Variants in GTF2F2 observed in about 807,000 individuals in gnomAD.
The protein encoded by GTF2F2 is general transcription factor IIF subunit 2.
In GTF2F2, 23 loss-of-function variants were observed where a neutral mutation model predicts 42.2. The ratio of observed to expected loss-of-function variants is 0.55; its 90% CI spans 0.39 to 0.77. The LOEUF (loss-of-function observed/expected upper bound fraction) is 0.77. GTF2F2 is among the 30% of genes least tolerant of loss of function. GTF2F2 has a pLI of 0.00. For synonymous variants in GTF2F2, 105 were observed against 100.8 expected (o/e 1.04, Z -0.25); for missense variants, 261 against 287.2 (o/e 0.91, Z 0.66).
intron 6 of GTF2F2, among the ~76,000 whole-genome samples, chr13:45,262,326 A>T (rs1255755555): frequency 6.6e-6 from 1 of 152,198 alleles, no homozygotes; most frequent in African/African-American, 2.4e-5. Flanking sequence ...ATGAGCTATG[A>T]TCACACCACT....
chr13:45,272,434 A>AAAC (rs1555273485), intron 7 of GTF2F2, among the ~76,000 whole-genome samples: 7 of 141,252 alleles, frequency 5.0e-5, no homozygotes, highest in African/African-American at 2.0e-4. Context: ...TAAAAAAAAA[A>AAAC]AAAAAACAAA....
At chr13:45,217,314 A>G (rs967822291) in intron 5 of GTF2F2, among the ~76,000 whole-genome samples, 7 of 151,714 alleles carry the variant, frequency 4.6e-5, no homozygotes, top group African/African-American at 1.5e-4. Context: ...AAAAAAAAAA[A>G]AAGATTCAGC....
rs1168643156 is a variant in GTF2F2 at position 45,153,418 on chromosome 13, T to G, written c.304+1587T>G. On this transcript the variant is annotated intron_variant, in intron 4 of 7. Transcript: ENST00000340473. ...ATGTACAGTATAACAGAATGGTAAA[T>G]TATAACTCTTCAGTTATGTAGTTGA... Among the ~76,000 whole-genome samples, 3 of 152,112 alleles carry G rather than the reference T, an allele frequency of 2.0e-5. No individual in the cohort carries two copies. In the East Asian group the frequency reaches 5.8e-4, roughly 29 times the overall value.
Position 45,283,613 on chromosome 13 carries a change from A to C in GTF2F2, c.*52A>C. The C allele has an allele frequency of 6.6e-7, 1 of 1,511,298 alleles. No homozygotes were observed. 93.6% of individuals were successfully genotyped at this position (1,511,298 alleles called of 1,614,324 possible). ...AAACGACTAGCAGCGATGCTATGCA[A>C]AAGGCGCTGATACTGGAAGGCTTGA... On this transcript the variant is annotated 3_prime_UTR_variant, in exon 8 of 8. Transcript: ENST00000340473.
At chr13:45,170,503 T>C (rs1049346706) in intron 4 of GTF2F2, among the ~76,000 whole-genome samples, 10 of 152,272 alleles carry the variant, frequency 6.6e-5, no homozygotes, top group Admixed American at 2.0e-4. Context: ...GAATTACTTT[T>C]CATGAGTTTT....
intron 4 of GTF2F2, among the ~76,000 whole-genome samples, chr13:45,159,516 G>A (rs572589379): frequency 4.4e-4 from 67 of 152,220 alleles, no homozygotes; most frequent in South Asian, 2.1e-3. Flanking sequence ...TCAGCCTCCC[G>A]AGTAGCAGAA....
At position 45,162,662 on chromosome 13, in the gene GTF2F2, C is replaced by G. The variant is rs1240655277; in HGVS notation, c.304+10831C>G. ...CACTCTTCATATTCAGGTATTCATGCATAAATATGTGGTAGCTTTAATAAT... is the reference window on the plus strand; with the variant it reads ...CACTCTTCATATTCAGGTATTCATGGATAAATATGTGGTAGCTTTAATAAT... On this transcript the variant is annotated intron_variant, in intron 4 of 7. Transcript: ENST00000340473. Among the ~76,000 whole-genome samples the G allele has an allele frequency of 3.9e-5, 6 of 152,118 alleles. No individual in the cohort carries two copies. In the East Asian group the frequency reaches 1.2e-3, roughly 29 times the overall value.
intron 4 of GTF2F2, among the ~76,000 whole-genome samples, chr13:45,172,910 A>C (rs554941263): frequency 6.6e-6 from 1 of 151,556 alleles, no homozygotes; most frequent in Non-Finnish European, 1.5e-5. Flanking sequence ...TTTTTTTTTC[A>C]TGATTGTTGA....
chr13:45,239,423 ATAGT>A (rs1292367237), intron 5 of GTF2F2, among the ~76,000 whole-genome samples: 1 of 152,228 alleles, frequency 6.6e-6, no homozygotes, highest in African/African-American at 2.4e-5. Flanking sequence ...TAAAGAAGTG[ATAGT>A]TAGGCAGTGG....
intron 5 of GTF2F2, among the ~76,000 whole-genome samples, chr13:45,235,181 A>G (rs191419465): frequency 1.2e-4 from 18 of 152,126 alleles, no homozygotes; most frequent in African/African-American, 4.1e-4. Flanking sequence ...AATATGGTAA[A>G]CTTATAAATA....
At chr13:45,276,809 T>C (rs1228161228) in intron 7 of GTF2F2, among the ~76,000 whole-genome samples, 1 of 152,238 alleles carries the variant, frequency 6.6e-6, no homozygotes, top group Non-Finnish European at 1.5e-5. Context: ...AAATTTTGTT[T>C]ACCTGAAATA....
At chr13:45,133,003 G>C (rs1482106751) in intron 1 of GTF2F2, among the ~76,000 whole-genome samples, 1 of 152,128 alleles carries the variant, frequency 6.6e-6, no homozygotes, top group Non-Finnish European at 1.5e-5. Flanking sequence ...CTTTCCTTCA[G>C]CTGCTCAGGT....
chr13:45,188,284 T>C, intron 4 of GTF2F2, among the ~76,000 whole-genome samples: 1 of 152,186 alleles, frequency 6.6e-6, no homozygotes, highest in East Asian at 1.9e-4. Context: ...AGCTAGAAAA[T>C]AAAAGTCCCA....
At chr13:45,183,238 C>T (rs568275666) in intron 4 of GTF2F2, among the ~76,000 whole-genome samples, 3 of 152,212 alleles carry the variant, frequency 2.0e-5, no homozygotes, top group African/African-American at 4.8e-5. Context: ...TACTACCTAC[C>T]TCTATCTGTT....
chr13:45,272,403 T>C (rs1781141130), intron 7 of GTF2F2, among the ~76,000 whole-genome samples: 1 of 141,388 alleles, frequency 7.1e-6, no homozygotes. Context: ...TAACTTTTTA[T>C]ATGGTTTTGT....
chr13:45,198,289 T>G (rs193112694), intron 4 of GTF2F2, among the ~76,000 whole-genome samples: 1 of 152,364 alleles, frequency 6.6e-6, no homozygotes, highest in African/African-American at 2.4e-5. Flanking sequence ...ATCCCGTGAT[T>G]GATGCAGGAC....
intron 6 of GTF2F2, 35 bp from the exon 7 acceptor site, chr13:45,267,198 T>C (rs987037604): frequency 1.0e-5 from 16 of 1,567,638 alleles, no homozygotes; most frequent in Non-Finnish European, 1.4e-5. Context: ...GCATGTTGAA[T>C]TGATGCTTTT....
intron 2 of GTF2F2, among the ~76,000 whole-genome samples, chr13:45,139,611 C>A (rs942157746): frequency 1.3e-5 from 2 of 152,176 alleles, no homozygotes; most frequent in Non-Finnish European, 2.9e-5. Flanking sequence ...GGCTCTATCT[C>A]CCTTACCCTC....
intron 7 of GTF2F2, among the ~76,000 whole-genome samples, chr13:45,269,545 A>C (rs1190865418): frequency 6.6e-6 from 1 of 152,166 alleles, no homozygotes; most frequent in Non-Finnish European, 1.5e-5. Context: ...TCGAGGACAT[A>C]AGTGAATCTG....
Sources: gnomAD v4.1 joint callset for allele counts (sites outside exome capture counted in the v4.1 genomes callset) on GRCh38, gnomAD v4.1.1 for gene constraint, MANE v1.5 for transcripts, NCBI Gene and HGNC (gene_info 2026-07-23, HGNC 2026-07-21) for gene names.